CP: variants seen among roughly 807,000 people sequenced by gnomAD.
CP encodes caeruloplasmin.
In CP, 64 loss-of-function variants were observed where a neutral mutation model predicts 122.4. The observed-to-expected ratio is 0.52, with a 90% CI of 0.43 to 0.64. CP has a LOEUF of 0.64. Ranked by LOEUF, CP falls within the 30% of genes least tolerant of loss-of-function variation. CP has a pLI of 0.00. For synonymous variants in CP, 440 were observed against 436.4 expected (o/e 1.01, Z -0.10); for missense variants, 1,167 against 1,284.4 (o/e 0.91, Z 1.40).
intron 17 of CP, 30 bp downstream of exon 17, chr3:149,177,810 G>T (rs1393497982): frequency 6.2e-7 from 1 of 1,609,240 alleles, no homozygotes; most frequent in Admixed American, 1.7e-5. Context: ...TTCAAACAGA[G>T]CAAGAGTAAT....
At chr3:149,216,900 C>CTT (rs201368226) in intron 1 of CP, among the ~76,000 whole-genome samples, 19 of 129,592 alleles carry the variant, frequency 1.5e-4, no homozygotes, top group Admixed American at 1.6e-4. Context: ...CTATTGCTTG[C>CTT]TTTTTTTTTT....
Position 149,176,887 on chromosome 3 carries a change from G to A in CP, c.3019-475C>T, listed in dbSNP as rs185968613. Among the ~76,000 whole-genome samples the A allele has an allele frequency of 3.2e-3, 482 of 152,282 alleles. 8 individuals carry two copies. The highest frequency in any genetic ancestry group is 8.1e-4 in the Non-Finnish European group (55 of 68,020). On this transcript the variant is annotated intron_variant, in intron 17 of 18. Transcript: ENST00000264613. The stretch of plus-strand genomic sequence containing the variant: ...CTTCAGGGAGTCTCGGCTGGAAACA[G>A]TAGTTGGGTGACAATAGTCTATTTC...
intron 7 of CP, 62 bp from the exon 8 acceptor site, chr3:149,199,926 AGTT>A: frequency 6.5e-7 from 1 of 1,535,786 alleles, no homozygotes; most frequent in South Asian, 1.1e-5. Context: ...TGTATAAGAT[AGTT>A]ATCTTCTTTG....
chr3:149,162,461 TATAAG>T, exon 6 of CP: 1 of 948,894 alleles, frequency 1.1e-6, no homozygotes, highest in South Asian at 1.4e-5. Flanking sequence ...ATAATCAGTT[TATAAG>T]ATAAAAGTAC....
rs753890662 is a variant in CP, at chr3:149,209,264, G to T, written c.728C>A (p.Pro243Gln). ...TTCGTTGTCTTTGTCAACTTTCTCT[G>T]GTTCTGAGCAGTAGGTTTTAATGTT... is the stretch of plus-strand genomic sequence containing the variant. ...EDNIKTYCSE[P>Q]EKVDKDNEDF... is the part of the protein sequence containing the mutation. The change falls in exon 4 of 19, where the codon CCA becomes CAA. Residue 243 changes from proline to glutamine, a missense_variant. Coordinates refer to ENST00000264613, the MANE Select transcript of CP (RefSeq NM_000096.4). 1 of 1,613,696 alleles carries T rather than the reference G, an allele frequency of 6.2e-7. No individual in the cohort carries two copies.
chr3:149,218,429 A>T lies in CP; in HGVS notation c.146+3218T>A, dbSNP rs547557994. ...TAGCAGTACTGAGTATAAGGAAATTATTTTCCACTTCACTCTTTTAGAAAT... is the reference window on the plus strand; with the variant it reads ...TAGCAGTACTGAGTATAAGGAAATTTTTTTCCACTTCACTCTTTTAGAAAT... On this transcript the variant is annotated intron_variant, in intron 1 of 18. Coordinates refer to ENST00000264613, the MANE Select transcript of CP (RefSeq NM_000096.4). Among the ~76,000 whole-genome samples the T allele has an allele frequency of 5.7e-4, 87 of 152,320 alleles. 3 individuals carry two copies. The South Asian group carries it at 0.017, about 30-fold the overall frequency.
intron 6 of CP, 142 bp from the exon 7 acceptor site, chr3:149,202,383 G>A (rs1017933346): frequency 1.2e-5 from 13 of 1,049,672 alleles, no homozygotes; most frequent in Middle Eastern, 2.9e-4. Context: ...ATCCGTACCA[G>A]TTACTCAAAC....
At chr3:149,193,921 C>T (rs1175156818) in intron 9 of CP, among the ~76,000 whole-genome samples, 1 of 152,192 alleles carries the variant, frequency 6.6e-6, no homozygotes, top group Admixed American at 6.5e-5. Context: ...ACTTCTGATG[C>T]CTCTGTAGGC....
intron 9 of CP, among the ~76,000 whole-genome samples, chr3:149,192,511 T>C (rs926774916): frequency 6.7e-6 from 1 of 149,082 alleles, no homozygotes; most frequent in African/African-American, 2.5e-5. Flanking sequence ...AAAGAATTGA[T>C]AATTTGGCTA....
chr3:149,194,471 TC>T (rs1726761388), intron 9 of CP, among the ~76,000 whole-genome samples: 1 of 152,104 alleles, frequency 6.6e-6, no homozygotes, highest in Non-Finnish European at 1.5e-5. Flanking sequence ...ACTCTTGACC[TC>T]AAGTGATCCA....
At position 149,206,171 on chromosome 3, in the gene CP, C is replaced by G. The variant is rs138344350; in HGVS notation, c.1205G>C (p.Gly402Ala). ...GTACTCTTTTTTTGTAAATTACCTTCCAGGTGCTGTTAAGTTTTCTTTAGT... is the reference window on the plus strand; with the variant it reads ...GTACTCTTTTTTTGTAAATTACCTTGCAGGTGCTGTTAAGTTTTCTTTAGT... ...IFTKENLTAP[G>A]SDSAVFFEQG... Residue 402 changes from glycine (G) to alanine (A), a missense_variant, in exon 6 of 19, where the codon GGA becomes GCA. Gly to Ala is a moderately conservative substitution (Grantham distance 60). This residue lies in a region of CP where 642 missense variants were observed against 627.3 expected (regional missense o/e 1.02). Transcript: ENST00000264613. The G allele has an allele frequency of 4.3e-6, 7 of 1,613,550 alleles. No individual in the cohort carries two copies. The highest frequency in any genetic ancestry group is 5.1e-6 in the Non-Finnish European group (6 of 1,179,680).
rs16861639 is a variant in CP at position 149,220,705 on chromosome 3, C to T, written c.146+942G>A. On this transcript the variant is annotated intron_variant, in intron 1 of 18. Transcript: ENST00000264613. ...AATAAGATTCAATAATTACAAACTTCGGCATCCTTATTTAGCTGTTTTTTA... is the reference window on the plus strand; with the variant it reads ...AATAAGATTCAATAATTACAAACTTTGGCATCCTTATTTAGCTGTTTTTTA... Among the ~76,000 whole-genome samples, 1,384 of 152,146 alleles carry T rather than the reference C, an allele frequency of 9.1e-3. 16 individuals are homozygous for T. Among genetic ancestry groups the T allele is most frequent in the African/African-American group, 0.03 (1,236 of 41,518 alleles).
At chr3:149,199,958 A>G (rs969509080) in intron 7 of CP, 94 bp from the exon 8 acceptor site, 4 of 1,298,390 alleles carry the variant, frequency 3.1e-6, no homozygotes, top group Admixed American at 3.6e-5. Context: ...CTCTGGCAAG[A>G]ACTACTAGGA....
At chr3:149,205,587 T>A (rs1727656340) in intron 6 of CP, among the ~76,000 whole-genome samples, 2 of 152,056 alleles carry the variant, frequency 1.3e-5, no homozygotes, top group South Asian at 4.1e-4. Flanking sequence ...TTCTGATGCA[T>A]GCTACAACAT....
chr3:149,171,295 G>A (rs540482656), downstream of CP, among the ~76,000 whole-genome samples: 85 of 151,978 alleles, frequency 5.6e-4, no homozygotes, highest in African/African-American at 1.7e-3. Flanking sequence ...AAAATATATT[G>A]TTCATTAGAA....
At chr3:149,172,161 G>T (rs1259912926), downstream of CP, 2 of 1,612,564 alleles carry the variant, frequency 1.2e-6, no homozygotes, top group East Asian at 4.5e-5. Flanking sequence ...CCAGAAGATG[G>T]TACTGCAACA....
In CP at chr3:149,162,890, G is replaced by T. The variant is rs200706125; in HGVS notation, c.*14-15C>A. The T allele has an allele frequency of 2.0e-5, 32 of 1,603,952 alleles. No individual in the cohort carries two copies. The highest frequency in any genetic ancestry group is 2.6e-5 in the Non-Finnish European group (30 of 1,171,020). On this transcript the variant is annotated splice_polypyrimidine_tract_variant and intron_variant, in intron 5 of 5. Transcript: ENST00000479771. ...CATCGGAGGATCTGGTAAGATAATG[G>T]AATAATACCTTAAATTTAACTCATG...
chr3:149,210,223 T>C lies in CP; in HGVS notation c.551A>G (p.Asp184Gly). The C allele has an allele frequency of 6.2e-7, 1 of 1,614,082 alleles. No individual in the cohort carries two copies. The highest frequency in any genetic ancestry group is 8.5e-7 in the Non-Finnish European group (1 of 1,179,944). The change falls in exon 3 of 19, where the codon GAT becomes GGT. Residue 184 changes from aspartate (D) to glycine (G), a missense_variant. By Grantham distance (94) the Asp-to-Gly change is moderately conservative. Transcript: ENST00000264613. ...CVTRIYHSHIDAPKDIASGLI... is the reference protein window; with the variant it reads ...CVTRIYHSHIGAPKDIASGLI... ...TCCTGAGGCAATATCTTTTGGAGCA[T>C]CAATGTGGGAATGGTAAATCCTAGT...
chr3:149,209,358 G>A lies in CP; in HGVS notation c.634C>T (p.His212Tyr), dbSNP rs1727956564. ...ATCACCACAAATTCTCGGTCAATATGTTTTTCTTTTTCTTTATCTAGAGAA... is the reference window on the plus strand; with the variant it reads ...ATCACCACAAATTCTCGGTCAATATATTTTTCTTTTTCTTTATCTAGAGAA... ...KDSLDKEKEK[H>Y]IDREFVVMFS... is the part of the protein sequence containing the mutation. The change falls in exon 4 of 19, where the codon CAT (histidine) becomes TAT (tyrosine). Residue 212 changes from histidine to tyrosine, a missense_variant. Around this residue, in one of 2 missense-constraint regions of CP, gnomAD observed 642 missense variants for 627.3 expected, o/e 1.02. Transcript: ENST00000264613. 6.2e-7 allele frequency: 1 copy of A among 1,613,254 alleles called. No homozygotes were observed. The highest frequency in any genetic ancestry group is 8.5e-7 in the Non-Finnish European group (1 of 1,179,582).
Sources: gnomAD v4.1 joint callset for allele counts (sites outside exome capture counted in the v4.1 genomes callset) on GRCh38, gnomAD v4.1.1 for gene constraint, gnomAD v4.1.1 regional missense constraint, MANE v1.5 for transcripts, NCBI Gene and HGNC (gene_info 2026-07-23, HGNC 2026-07-21) for gene names.